The following DOP1A variants were observed in gnomAD, a reference collection of about 807,000 sequenced individuals.
DOP1A encodes the protein DOP1 leucine zipper like protein A, also known as protein DOP1A.
Under a neutral mutation model 267.6 loss-of-function variants are expected in DOP1A, and 90 were observed. That is an observed-to-expected ratio of 0.34 (90% CI 0.28 to 0.40). DOP1A has a LOEUF of 0.40. DOP1A is among the 10% of genes least tolerant of loss of function. DOP1A has a pLI of 1.00. For missense variants in DOP1A, 2,437 were observed against 2,900.4 expected (o/e 0.84, Z 3.67); for synonymous variants, 932 against 999.1 (o/e 0.93, Z 1.27).
intron 36 of DOP1A, 75 bp from the exon 37 acceptor site, chr6:83,159,721 G>A (rs1404044725): frequency 6.6e-7 from 1 of 1,519,988 alleles, no homozygotes; most frequent in Admixed American, 1.8e-5. Flanking sequence ...ATATTAGCTG[G>A]TACTTTTAGA....
intron 4 of DOP1A, among the ~76,000 whole-genome samples, chr6:83,102,377 C>T (rs1455774029): frequency 6.6e-6 from 1 of 152,146 alleles, no homozygotes; most frequent in African/African-American, 2.4e-5. Flanking sequence ...GATCTGGGGC[C>T]ATTGTCCTCA....
chr6:83,067,692 C>G lies in DOP1A; in HGVS notation c.-234C>G, dbSNP rs1370087902. ...GAGCACGGTGCACTCTGGGAGCTGT[C>G]ACTAGGCCCTTCGGCTCCCGGTCTC... On this transcript the variant is annotated 5_prime_UTR_variant, in exon 1 of 39. Transcript: ENST00000349129. 6.6e-6 allele frequency: 1 copy of G among 151,980 alleles called. No homozygotes were observed. The highest frequency in any genetic ancestry group is 2.4e-5 in the African/African-American group (1 of 41,322). 9.4% of individuals were successfully genotyped at this position (151,980 alleles called of 1,614,324 possible).
intron 38 of DOP1A, 22 bp from the exon 39 acceptor site, chr6:83,167,840 G>A (rs1219547686): frequency 2.5e-6 from 4 of 1,590,000 alleles, no homozygotes; most frequent in Non-Finnish European, 3.4e-6. Flanking sequence ...ATTAATACCA[G>A]TTCACTTTTT....
chr6:83,070,628 T>A (rs1431552593), intron 1 of DOP1A, among the ~76,000 whole-genome samples: 1 of 152,170 alleles, frequency 6.6e-6, no homozygotes, highest in Non-Finnish European at 1.5e-5. Flanking sequence ...GTGTCTAAAT[T>A]ATACCTTTAA....
Position 83,137,954 on chromosome 6 carries a change from A to G in DOP1A, c.3912A>G (p.Arg1304=). 6.2e-7 allele frequency: 1 copy of G among 1,604,942 alleles called. No individual in the cohort carries two copies. Among genetic ancestry groups the G allele is most frequent in the Non-Finnish European group, 8.5e-7 (1 of 1,177,380 alleles). The change falls in exon 21 of 39, where the codon AGA becomes AGG. Residue 1304 remains arginine, a synonymous_variant. Transcript: ENST00000349129. ...CAAAACCTAAAGTAAAACTTGCCAG[A>G]AAAAAGGATGATGACAAGAAAAAAT... ...PGAKPKVKLA[R]KKDDDKKKSS...
intron 1 of DOP1A, among the ~76,000 whole-genome samples, chr6:83,092,306 A>G (rs534614499): frequency 6.6e-6 from 1 of 152,264 alleles, no homozygotes; most frequent in Non-Finnish European, 1.5e-5. Flanking sequence ...CACTATTGTA[A>G]GTTATGTGTT....
In DOP1A at chr6:83,125,394, A is replaced by T. The variant is rs573625070; in HGVS notation, c.1486-106A>T. On this transcript the variant is annotated intron_variant, in intron 14 of 38. Transcript: ENST00000349129. ...TGTTAATTAAGAGCATGATGCATATAAAACATTATGGATGAGTAAAATCAT... is the reference window on the plus strand; with the variant it reads ...TGTTAATTAAGAGCATGATGCATATTAAACATTATGGATGAGTAAAATCAT... 117 of 1,128,206 alleles carry T rather than the reference A, an allele frequency of 1.0e-4. No homozygotes were observed. The African/African-American group carries it at 1.7e-3, about 16-fold the overall frequency. 69.9% of individuals were successfully genotyped at this position (1,128,206 alleles called of 1,614,324 possible).
chr6:83,114,922 C>A (rs1775166530), intron 7 of DOP1A, among the ~76,000 whole-genome samples: 1 of 152,114 alleles, frequency 6.6e-6, no homozygotes, highest in Admixed American at 6.6e-5. Flanking sequence ...TAATATAGTT[C>A]TCCCTATTAC....
At chr6:83,170,486 C>A, downstream of DOP1A, 2 of 1,611,696 alleles carry the variant, frequency 1.2e-6, no homozygotes, top group Non-Finnish European at 1.7e-6. Context: ...AACCTAAGTG[C>A]AAGCATTTCA....
chr6:83,134,867 A>G (rs887197679), intron 19 of DOP1A, among the ~76,000 whole-genome samples: 1 of 152,070 alleles, frequency 6.6e-6, no homozygotes, highest in Non-Finnish European at 1.5e-5. Flanking sequence ...AGTTGGTCTC[A>G]TACTGGTGGC....
downstream of DOP1A, chr6:83,168,638 CTG>C (rs1243949960): frequency 9.0e-6 from 9 of 996,646 alleles, 1 homozygote; most frequent in Admixed American, 1.7e-4. Context: ...TGAAGAATAA[CTG>C]AAGGCTGGAC....
At chr6:83,113,540 A>C in intron 7 of DOP1A, 119 bp downstream of exon 7, 1 of 722,458 alleles carries the variant, frequency 1.4e-6, no homozygotes, top group Admixed American at 2.6e-5. Context: ...CAGTAAGCGC[A>C]TGGAAAATAA....
downstream of DOP1A, chr6:83,170,449 G>T: frequency 6.2e-7 from 1 of 1,613,898 alleles, no homozygotes; most frequent in Non-Finnish European, 8.5e-7. Flanking sequence ...TTTCAGCATC[G>T]GTAGTGCTAA....
In DOP1A at chr6:83,148,826, C is replaced by G; in HGVS notation, c.5800C>G (p.Leu1934Val). The G allele has an allele frequency of 3.2e-6, 5 of 1,550,686 alleles. No individual in the cohort carries two copies. The highest frequency in any genetic ancestry group is 4.3e-6 in the Non-Finnish European group (5 of 1,158,878). Residue 1934 changes from leucine (L) to valine (V), a missense_variant, in exon 27 of 39, where the codon CTG (leucine) becomes GTG (valine). Transcript: ENST00000349129. Reference protein sequence around the residue: ...LLILLKDSIQLSLPAPGQFLI... With the variant: ...LLILLKDSIQVSLPAPGQFLI... Reference sequence around the variant, plus strand: ...GATACTTCTGAAAGACTCTATACAACTGAGTCTTCCAGCTCCAGGGCAGTT... The same window carrying G: ...GATACTTCTGAAAGACTCTATACAAGTGAGTCTTCCAGCTCCAGGGCAGTT...
intron 15 of DOP1A, among the ~76,000 whole-genome samples, chr6:83,128,576 G>T (rs185492085): frequency 6.6e-6 from 1 of 152,000 alleles, no homozygotes; most frequent in African/African-American, 2.4e-5. Flanking sequence ...CTCATTCTTG[G>T]CATTGTTTAG....
chr6:83,134,465 A>C, intron 19 of DOP1A, 178 bp downstream of exon 19: 1 of 508,884 alleles, frequency 2.0e-6, no homozygotes, highest in South Asian at 3.6e-5. Context: ...TTACTCATCC[A>C]CCAGGTTTTT....
At chr6:83,100,029 GA>G (rs572516165) in intron 3 of DOP1A, among the ~76,000 whole-genome samples, 94 of 152,112 alleles carry the variant, frequency 6.2e-4, no homozygotes, top group African/African-American at 2.2e-3. Flanking sequence ...TTTATTATAA[GA>G]TCTTCTTTAC....
chr6:83,070,577 A>G (rs2127952954), intron 1 of DOP1A, among the ~76,000 whole-genome samples: 1 of 152,302 alleles, frequency 6.6e-6, no homozygotes, highest in Middle Eastern at 3.4e-3. Context: ...AGGCACATAT[A>G]GTTATACTTT....
chr6:83,137,945 A>T lies in DOP1A; in HGVS notation c.3903A>T (p.Lys1301Asn). The T allele has an allele frequency of 6.2e-7, 1 of 1,604,858 alleles. No homozygotes were observed. The highest frequency in any genetic ancestry group is 1.1e-5 in the South Asian group (1 of 89,350). Reference sequence around the variant, plus strand: ...AACCAGGAGCAAAACCTAAAGTAAAACTTGCCAGAAAAAAGGATGATGACA... The same window carrying T: ...AACCAGGAGCAAAACCTAAAGTAAATCTTGCCAGAAAAAAGGATGATGACA... ...GKQPGAKPKV[K>N]LARKKDDDKK... The change falls in exon 21 of 39, where the codon AAA (lysine) becomes AAT (asparagine). Residue 1301 changes from lysine to asparagine, a missense_variant. This residue lies in a region of DOP1A where 878 missense variants were observed against 992.9 expected (regional missense o/e 0.88). Transcript: ENST00000349129.
Sources: allele counts gnomAD v4.1 joint callset (sites outside exome capture counted in the v4.1 genomes callset), GRCh38; gene constraint gnomAD v4.1.1; regional missense constraint gnomAD v4.1.1; transcripts MANE v1.5; gene names NCBI Gene and HGNC (gene_info 2026-07-23, HGNC 2026-07-21).